The following SMG6 variants were observed in gnomAD, a reference collection of about 807,000 sequenced individuals.
The protein encoded by SMG6 is telomerase-binding protein EST1A.
SMG6 carries 66 observed loss-of-function variants against 142.2 expected under a neutral mutation model. That is an observed-to-expected ratio of 0.46 (90% CI 0.38 to 0.57). The LOEUF (loss-of-function observed/expected upper bound fraction) is 0.57. Ranked by LOEUF, SMG6 falls within the 20% of genes least tolerant of loss-of-function variation. The pLI is 0.00. For synonymous variants in SMG6, 779 were observed against 702.4 expected, an observed-to-expected ratio of 1.11 and a Z score of -1.72; for missense variants, 1,793 against 1,832.0, an observed-to-expected ratio of 0.98 and a Z score of 0.39.
intron 10 of SMG6, among the ~76,000 whole-genome samples, chr17:2,196,364 G>A (rs1330599615): frequency 1.3e-5 from 2 of 152,196 alleles, no homozygotes; most frequent in Non-Finnish European, 2.9e-5. Context: ...GGAGGCGGAG[G>A]TTGCAGTGAG....
intron 13 of SMG6, among the ~76,000 whole-genome samples, chr17:2,103,991 G>A (rs2069083885): frequency 6.7e-6 from 1 of 149,812 alleles, no homozygotes; most frequent in Non-Finnish European, 1.5e-5. Flanking sequence ...TTGTTCTGTA[G>A]CCCAGGCAGG....
At chr17:2,303,569 AGAG>A (rs1283096936) in intron 1 of SMG6, 61 bp downstream of exon 1, 36 of 1,363,990 alleles carry the variant, frequency 2.6e-5, no homozygotes, top group Middle Eastern at 2.7e-4. Flanking sequence ...GGGAGGAGGC[AGAG>A]GAGGAGGAGA....
intron 13 of SMG6, among the ~76,000 whole-genome samples, chr17:2,141,172 T>C (rs950363677): frequency 6.6e-6 from 1 of 152,204 alleles, no homozygotes; most frequent in African/African-American, 2.4e-5. Context: ...GTGGCTACCA[T>C]AGAGGATGGT....
chr17:2,171,807 G>C (rs937004548), intron 13 of SMG6, among the ~76,000 whole-genome samples: 2 of 150,216 alleles, frequency 1.3e-5, no homozygotes, highest in African/African-American at 4.9e-5. Context: ...TTCCTCCTGA[G>C]AAGACATTTG....
At chr17:2,162,517 G>C (rs1369369652) in intron 13 of SMG6, among the ~76,000 whole-genome samples, 1 of 60,634 alleles carries the variant, frequency 1.6e-5, no homozygotes, top group Non-Finnish European at 3.1e-5. Flanking sequence ...CCCCATCTCA[G>C]AAAAAAAAAA....
At chr17:2,130,481 C>T (rs1308824621) in intron 13 of SMG6, among the ~76,000 whole-genome samples, 2 of 151,676 alleles carry the variant, frequency 1.3e-5, no homozygotes, top group African/African-American at 4.9e-5. Flanking sequence ...GGCAATTGCT[C>T]ACTGGCTCAA....
In SMG6 at chr17:2,298,984, T is replaced by C; in HGVS notation, c.1769A>G (p.Asn590Ser). 6.2e-7 allele frequency: 1 copy of C among 1,614,144 alleles called. No individual in the cohort carries two copies. The highest frequency in any genetic ancestry group is 8.5e-7 in the Non-Finnish European group (1 of 1,180,026). ...CAGGTTGCTGAGCTGCAGTTCCTGGTTGTCAGCCACCCGGAGAAGCCTGTG... is the reference window on the plus strand; with the variant it reads ...CAGGTTGCTGAGCTGCAGTTCCTGGCTGTCAGCCACCCGGAGAAGCCTGTG... ...ELHRLLRVAD[N>S]QELQLSNLLS... The change falls in exon 2 of 19, where the codon AAC becomes AGC. Residue 590 changes from asparagine (N) to serine (S), a missense_variant. Physicochemically the swap from Asn to Ser is conservative, Grantham distance 46. Coordinates refer to ENST00000263073, the MANE Select transcript of SMG6 (RefSeq NM_017575.5).
rs527433196 is a variant in SMG6, at chr17:2,161,647, C to T, written c.3357+11011G>A. On this transcript the variant is annotated intron_variant, in intron 13 of 18. Transcript: ENST00000263073. ...TATATTTTTGCCCTTGAACACACCT[C>T]CTAAATGATGTAGATAAGACTACAT... is the stretch of plus-strand genomic sequence containing the variant. Among the ~76,000 whole-genome samples the T allele has an allele frequency of 1.9e-3, 288 of 152,054 alleles. 1 individual carries two copies. The highest frequency in any genetic ancestry group is 3.2e-3 in the Non-Finnish European group (218 of 68,006).
At chr17:2,192,604 T>C (rs1194449639) in intron 10 of SMG6, among the ~76,000 whole-genome samples, 1 of 152,168 alleles carries the variant, frequency 6.6e-6, no homozygotes, top group Non-Finnish European at 1.5e-5. Flanking sequence ...AAATGAATGG[T>C]CAGTCACCTC....
At chr17:2,245,105 C>T (rs938767486) in intron 8 of SMG6, among the ~76,000 whole-genome samples, 1 of 152,134 alleles carries the variant, frequency 6.6e-6, no homozygotes, top group Non-Finnish European at 1.5e-5. Flanking sequence ...ATAGTGAAGG[C>T]CCTGGTTCTA....
At chr17:2,176,060 A>C (rs1028650499) in intron 12 of SMG6, among the ~76,000 whole-genome samples, 3 of 152,220 alleles carry the variant, frequency 2.0e-5, no homozygotes, top group African/African-American at 7.2e-5. Flanking sequence ...TTGAAAAACC[A>C]GGTGAGATGT....
chr17:2,183,260 GAAAAAGAAAGA>G (rs1256115602), intron 12 of SMG6, among the ~76,000 whole-genome samples: 1 of 136,478 alleles, frequency 7.3e-6, no homozygotes, highest in African/African-American at 2.7e-5. Flanking sequence ...AGGGAAGAAG[GAAAAAGAAAGA>G]AAAAAGAAAG....
At chr17:2,294,444 T>C (rs1211624694) in intron 4 of SMG6, among the ~76,000 whole-genome samples, 1 of 152,222 alleles carries the variant, frequency 6.6e-6, no homozygotes, top group Non-Finnish European at 1.5e-5. Context: ...ATTGAGCCTC[T>C]GCTTACCTCA....
intron 8 of SMG6, 76 bp downstream of exon 8, chr17:2,282,571 C>T: frequency 7.0e-7 from 1 of 1,424,800 alleles, no homozygotes; most frequent in East Asian, 2.3e-5. Flanking sequence ...AGTATCTGTG[C>T]CTCACAGCTG....
chr17:2,264,899 C>T (rs1311414832), intron 8 of SMG6, among the ~76,000 whole-genome samples: 3 of 147,884 alleles, frequency 2.0e-5, no homozygotes, highest in African/African-American at 7.5e-5. Context: ...GAAACCCCAT[C>T]TCAAAAAAAA....
intron 11 of SMG6, among the ~76,000 whole-genome samples, chr17:2,187,675 T>C (rs1310737280): frequency 6.6e-6 from 1 of 152,098 alleles, no homozygotes; most frequent in Non-Finnish European, 1.5e-5. Context: ...AAGAGTTCTC[T>C]GCACTATTCT....
chr17:2,198,764 G>A (rs2072414291), intron 10 of SMG6, among the ~76,000 whole-genome samples: 1 of 151,710 alleles, frequency 6.6e-6, no homozygotes, highest in Admixed American at 6.6e-5. Context: ...CACAGAAAAG[G>A]GTTACTCAGT....
chr17:2,280,534 A>T, intron 8 of SMG6: 1 of 943,102 alleles, frequency 1.1e-6, no homozygotes, highest in Non-Finnish European at 1.3e-6. Context: ...AAGTGCTGGG[A>T]TTACAGGCGT....
chr17:2,254,497 G>A (rs1274922268), intron 8 of SMG6, among the ~76,000 whole-genome samples: 1 of 152,052 alleles, frequency 6.6e-6, no homozygotes, highest in Non-Finnish European at 1.5e-5. Flanking sequence ...ACCAAGCCCG[G>A]CCAATTTTTG....
Sources: gnomAD v4.1 joint callset for allele counts (sites outside exome capture counted in the v4.1 genomes callset) on GRCh38, gnomAD v4.1.1 for gene constraint, MANE v1.5 for transcripts, NCBI Gene and HGNC (gene_info 2026-07-23, HGNC 2026-07-21) for gene names.